Variants in VAV3 observed in about 807,000 individuals in gnomAD.
VAV3 encodes vav guanine nucleotide exchange factor 3.
In VAV3, 94 loss-of-function variants were observed where a neutral mutation model predicts 131.2. That is an observed-to-expected ratio of 0.72 (90% CI 0.61 to 0.85). The LOEUF is 0.85. Among genes scored for constraint, VAV3 ranks in the 40% least tolerant of loss-of-function variants. The pLI is 0.00. For missense variants in VAV3, 939 were observed against 1,002.7 expected (o/e 0.94, Z 0.86); for synonymous variants, 349 against 342.0 (o/e 1.02, Z -0.22).
chr1:107,710,558 TTTA>T, intron 15 of VAV3, among the ~76,000 whole-genome samples: 1 of 152,164 alleles, frequency 6.6e-6, no homozygotes, highest in Non-Finnish European at 1.5e-5. Flanking sequence ...CTTATTTTTA[TTTA>T]TTATTATTAA....
At chr1:107,898,090 G>T (rs1202250872) in intron 1 of VAV3, among the ~76,000 whole-genome samples, 1 of 148,002 alleles carries the variant, frequency 6.8e-6, no homozygotes, top group Non-Finnish European at 1.5e-5. Context: ...GGCAAAGAAT[G>T]TCATTATTAA....
Position 107,574,139 on chromosome 1 carries a change from T to G in VAV3, c.2410A>C (p.Met804Leu). 1 of 1,614,138 alleles carries G rather than the reference T, an allele frequency of 6.2e-7. No homozygotes were observed. The highest frequency in any genetic ancestry group is 8.5e-7 in the Non-Finnish European group (1 of 1,180,008). The change falls in exon 26 of 27, where the codon ATG becomes CTG. Residue 804 changes from methionine to leucine, a missense_variant. By Grantham distance (15) the Met-to-Leu change is conservative. Transcript: ENST00000370056. ...IARYDFCARD[M>L]RELSLLKGDV... ...CCTTTCAACAAGGACAACTCTCTCA[T>G]ATCTCTTGCACAGAAGTCATACCGA...
intron 2 of VAV3, among the ~76,000 whole-genome samples, chr1:107,832,103 A>G (rs1668277337): frequency 6.6e-6 from 1 of 152,236 alleles, no homozygotes. Flanking sequence ...TCTGGCAAGT[A>G]ACCATGGAAG....
intron 1 of VAV3, among the ~76,000 whole-genome samples, chr1:107,962,330 C>T (rs766759406): frequency 2.7e-5 from 4 of 149,882 alleles, no homozygotes; most frequent in African/African-American, 5.0e-5. Flanking sequence ...GAGTAGTTAG[C>T]GGCAAAATGT....
chr1:107,666,133 C>T (rs905989904), intron 19 of VAV3, among the ~76,000 whole-genome samples: 17 of 152,146 alleles, frequency 1.1e-4, no homozygotes, highest in African/African-American at 4.1e-4. Flanking sequence ...TACCCTTCCT[C>T]TTCACTGTAG....
chr1:107,638,852 AAC>A (rs1557724203), intron 20 of VAV3, among the ~76,000 whole-genome samples: 1 of 152,160 alleles, frequency 6.6e-6, no homozygotes, highest in Non-Finnish European at 1.5e-5. Flanking sequence ...GTAACAAAAT[AAC>A]AGTCCAGAAA....
At chr1:107,785,607 T>C (rs962464990) in intron 2 of VAV3, 1 of 1,151,590 alleles carries the variant, frequency 8.7e-7, no homozygotes, top group African/African-American at 1.7e-5. Flanking sequence ...GGCACAGATG[T>C]TGCATCCTGG....
intron 1 of VAV3, among the ~76,000 whole-genome samples, chr1:107,945,262 T>C (rs1674195787): frequency 1.3e-5 from 2 of 152,236 alleles, no homozygotes; most frequent in African/African-American, 4.8e-5. Context: ...CTTATTTAAT[T>C]ACAAGATACA....
At chr1:107,649,272 G>A (rs1342444002) in intron 19 of VAV3, among the ~76,000 whole-genome samples, 1 of 152,046 alleles carries the variant, frequency 6.6e-6, no homozygotes, top group Admixed American at 6.6e-5. Flanking sequence ...CTCAAAGACT[G>A]CAATAAATAG....
intron 15 of VAV3, among the ~76,000 whole-genome samples, chr1:107,742,907 G>A (rs1570877972): frequency 6.6e-6 from 1 of 152,162 alleles, no homozygotes; most frequent in African/African-American, 2.4e-5. Flanking sequence ...CTTAGCATAG[G>A]GGTCAGGAGA....
chr1:107,845,468 T>C (rs1234755232), intron 2 of VAV3, among the ~76,000 whole-genome samples: 4 of 152,058 alleles, frequency 2.6e-5, no homozygotes, highest in Admixed American at 6.6e-5. Context: ...TTGACAGAAG[T>C]AGGCTTCAGA....
rs553509908 is a variant in VAV3 at position 107,957,540 on chromosome 1, T to C, written c.204+7126A>G. On this transcript the variant is annotated intron_variant, in intron 1 of 26. Transcript: ENST00000370056. ...AAGGTAGGTAACACCACAGATGTCA[T>C]GAGATGCTACAGGGAAGCGAATATG... 1.6e-4 allele frequency among the ~76,000 whole-genome samples: 24 copies of C among 152,258 alleles called. No homozygotes were observed. In the South Asian group the frequency reaches 4.8e-3, roughly 30 times the overall value.
At chr1:107,940,620 T>C (rs979431943) in intron 1 of VAV3, among the ~76,000 whole-genome samples, 11 of 152,200 alleles carry the variant, frequency 7.2e-5, no homozygotes, top group African/African-American at 2.4e-4. Flanking sequence ...AAAAGTGGTG[T>C]CTGTACAACG....
At chr1:107,628,555 C>T (rs893922792) in intron 20 of VAV3, among the ~76,000 whole-genome samples, 13 of 152,184 alleles carry the variant, frequency 8.5e-5, no homozygotes, top group African/African-American at 3.1e-4. Context: ...CTAAGCTCAA[C>T]TTACTTTCTG....
At chr1:107,876,355 T>C (rs1670495790) in intron 1 of VAV3, among the ~76,000 whole-genome samples, 1 of 151,982 alleles carries the variant, frequency 6.6e-6, no homozygotes, top group Non-Finnish European at 1.5e-5. Flanking sequence ...GAAAAGGAAG[T>C]GAAGACAGAA....
At chr1:107,740,286 C>CA (rs11346449) in intron 15 of VAV3, among the ~76,000 whole-genome samples, 12,159 of 124,538 alleles carry the variant, frequency 0.098, 637 homozygotes, top group African/African-American at 0.18. Flanking sequence ...GACTCCATCT[C>CA]AAAAAAAAAA....
rs1649290389 is a variant in VAV3, at chr1:107,571,944, G to C, written c.*1387C>G. On this transcript the variant is annotated 3_prime_UTR_variant, in exon 27 of 27. Transcript: ENST00000370056. ...ATGATTCAAAATTTCAGAACTTAAT[G>C]CTCCTGGTTCAGTTCTACTAAGTTA... 6.6e-6 allele frequency: 1 copy of C among 152,584 alleles called. No homozygotes were observed. Among genetic ancestry groups the C allele is most frequent in the South Asian group, 2.1e-4 (1 of 4,836 alleles). The allele number at this position is 152,584 out of a possible 1,614,324, so 9.5% of individuals were successfully genotyped here.
intron 19 of VAV3, among the ~76,000 whole-genome samples, chr1:107,668,477 A>C (rs1570719930): frequency 6.6e-6 from 1 of 152,206 alleles, no homozygotes; most frequent in South Asian, 2.1e-4. Flanking sequence ...ATTAAAAATA[A>C]AGCATGTAAA....
chr1:107,814,384 C>T (rs892129305), intron 2 of VAV3, among the ~76,000 whole-genome samples: 2 of 152,092 alleles, frequency 1.3e-5, no homozygotes, highest in African/African-American at 4.8e-5. Flanking sequence ...TTTTGATTTG[C>T]ATTTCCCGAT....
Sources: allele counts gnomAD v4.1 joint callset (sites outside exome capture counted in the v4.1 genomes callset), GRCh38; gene constraint gnomAD v4.1.1; transcripts MANE v1.5; gene names NCBI Gene and HGNC (gene_info 2026-07-23, HGNC 2026-07-21).